PTPRT: variants seen among roughly 807,000 people sequenced by gnomAD.
PTPRT encodes receptor-type tyrosine-protein phosphatase T.
Under a neutral mutation model 176.8 loss-of-function variants are expected in PTPRT, and 56 were observed. The observed-to-expected ratio is 0.32, with a 90% confidence interval of 0.26 to 0.40. PTPRT has a LOEUF of 0.40. Among genes scored for constraint, PTPRT ranks in the 10% least tolerant of loss-of-function variants. The probability of loss-of-function intolerance (pLI) is 1.00; values close to 1 mark genes in which losing one functional copy is unlikely to be tolerated. For synonymous variants in PTPRT, 783 were observed against 739.0 expected (o/e 1.06, Z -0.96); for missense variants, 1,540 against 1,908.2 (o/e 0.81, Z 3.60).
rs192620507 is a variant in PTPRT at position 42,803,131 on chromosome 20, C to T, written c.215-11665G>A. Among the ~76,000 whole-genome samples, 153 of 152,308 alleles carry T rather than the reference C, an allele frequency of 1.0e-3. 1 individual carries two copies. Among genetic ancestry groups the T allele is most frequent in the African/African-American group, 3.5e-3 (145 of 41,570 alleles). On this transcript the variant is annotated intron_variant, in intron 2 of 30. Transcript: ENST00000373187. ...CCAGTCTCACTGTCCACAGAGGCAG[C>T]GGGCCTAGAAGGCACCAGGAAGCCA...
chr20:42,446,780 C>A (rs1045399156), intron 9 of PTPRT, among the ~76,000 whole-genome samples: 2 of 152,140 alleles, frequency 1.3e-5, no homozygotes, highest in African/African-American at 2.4e-5. Flanking sequence ...GCCCTCCTCT[C>A]GGGGTACTCC....
At chr20:42,918,996 A>C (rs73910621) in intron 1 of PTPRT, among the ~76,000 whole-genome samples, 1 of 152,174 alleles carries the variant, frequency 6.6e-6, no homozygotes, top group South Asian at 2.1e-4. Flanking sequence ...GATTTTGCAT[A>C]GCAAAGGACA....
intron 7 of PTPRT, among the ~76,000 whole-genome samples, chr20:42,473,155 T>C (rs2071228868): frequency 6.6e-6 from 1 of 152,152 alleles, no homozygotes; most frequent in Non-Finnish European, 1.5e-5. Flanking sequence ...AGTTCATCAT[T>C]TCCTAACCTC....
At chr20:43,180,447 G>GATAT (rs144915810) in intron 1 of PTPRT, among the ~76,000 whole-genome samples, 19 of 141,330 alleles carry the variant, frequency 1.3e-4, no homozygotes, top group East Asian at 4.2e-4. Flanking sequence ...GGGAGAGAGG[G>GATAT]ATATATATAT....
intron 1 of PTPRT, among the ~76,000 whole-genome samples, chr20:42,946,404 G>A (rs1014392093): frequency 6.6e-6 from 1 of 152,098 alleles, no homozygotes; most frequent in Non-Finnish European, 1.5e-5. Flanking sequence ...TTACATACCT[G>A]GGCACTTTTG....
intron 2 of PTPRT, among the ~76,000 whole-genome samples, chr20:42,863,490 A>G (rs2078696244): frequency 6.6e-6 from 1 of 152,238 alleles, no homozygotes; most frequent in Non-Finnish European, 1.5e-5. Context: ...TCCTCTTTAG[A>G]ACAAGAGTCA....
At chr20:42,773,861 C>T (rs2077097027) in intron 4 of PTPRT, among the ~76,000 whole-genome samples, 1 of 152,188 alleles carries the variant, frequency 6.6e-6, no homozygotes, top group African/African-American at 2.4e-5. Context: ...TTTAGTTTTA[C>T]AAAGAAATGC....
intron 2 of PTPRT, among the ~76,000 whole-genome samples, chr20:42,885,480 C>T (rs6016915): frequency 0.036 from 5,498 of 151,200 alleles, 241 homozygotes; most frequent in African/African-American, 0.1. Flanking sequence ...AGAAAAGCAG[C>T]GACCGTAAAT....
At chr20:42,607,237 T>C (rs1352687749) in intron 7 of PTPRT, among the ~76,000 whole-genome samples, 1 of 152,156 alleles carries the variant, frequency 6.6e-6, no homozygotes, top group Non-Finnish European at 1.5e-5. Context: ...GTCTCCATTT[T>C]GCAAGAAAAA....
intron 11 of PTPRT, among the ~76,000 whole-genome samples, chr20:42,346,387 G>A (rs1268237542): frequency 6.6e-6 from 1 of 152,190 alleles, no homozygotes; most frequent in Non-Finnish European, 1.5e-5. Flanking sequence ...CAGGTGGGGC[G>A]TGGGGGAAGA....
At chr20:42,523,076 T>A (rs1026372697) in intron 7 of PTPRT, among the ~76,000 whole-genome samples, 15 of 152,194 alleles carry the variant, frequency 9.9e-5, no homozygotes, top group African/African-American at 3.6e-4. Flanking sequence ...CCTAGACTAC[T>A]CCAGACACAT....
At chr20:42,894,745 C>T (rs2079263542) in intron 1 of PTPRT, among the ~76,000 whole-genome samples, 1 of 152,200 alleles carries the variant, frequency 6.6e-6, no homozygotes, top group South Asian at 2.1e-4. Flanking sequence ...AGTCTGCATG[C>T]CTTCTGCCCC....
intron 18 of PTPRT, among the ~76,000 whole-genome samples, chr20:42,135,896 T>C (rs913444343): frequency 6.6e-6 from 1 of 152,172 alleles, no homozygotes; most frequent in Non-Finnish European, 1.5e-5. Context: ...CTGAGATCCA[T>C]GACCTCCATA....
intron 26 of PTPRT, among the ~76,000 whole-genome samples, chr20:42,099,381 C>T (rs3091739): frequency 0.19 from 29,488 of 151,968 alleles, 3,215 homozygotes; most frequent in Middle Eastern, 0.32. Context: ...AGAGCCGGAA[C>T]GTAAGCCTAC....
At chr20:43,033,239 G>A (rs770850736) in intron 1 of PTPRT, among the ~76,000 whole-genome samples, 1 of 152,092 alleles carries the variant, frequency 6.6e-6, no homozygotes, top group Non-Finnish European at 1.5e-5. Flanking sequence ...CAAGACTTAG[G>A]ACCCCTTGAG....
intron 1 of PTPRT, among the ~76,000 whole-genome samples, chr20:42,896,581 G>A (rs2079302264): frequency 6.7e-6 from 1 of 148,968 alleles, no homozygotes; most frequent in Non-Finnish European, 1.5e-5. Context: ...GTTGTGGTGA[G>A]CCGAGATCAT....
intron 7 of PTPRT, among the ~76,000 whole-genome samples, chr20:42,582,760 G>A (rs781763781): frequency 2.6e-5 from 4 of 152,070 alleles, no homozygotes; most frequent in East Asian, 1.9e-4. Context: ...CTCAGAGCTC[G>A]CCCAAAAAAC....
At chr20:42,868,031 A>C (rs941923555) in intron 2 of PTPRT, among the ~76,000 whole-genome samples, 1 of 152,222 alleles carries the variant, frequency 6.6e-6, no homozygotes, top group South Asian at 2.1e-4. Context: ...TGAATGGACA[A>C]GACGGAAATT....
chr20:43,069,301 A>G (rs2011150967), intron 1 of PTPRT, among the ~76,000 whole-genome samples: 1 of 152,172 alleles, frequency 6.6e-6, no homozygotes, highest in African/African-American at 2.4e-5. Context: ...CCTTGATGTT[A>G]CTACTACTCA....
Sources: allele counts gnomAD v4.1 joint callset (sites outside exome capture counted in the v4.1 genomes callset), GRCh38; gene constraint gnomAD v4.1.1; transcripts MANE v1.5; gene names NCBI Gene and HGNC (gene_info 2026-07-23, HGNC 2026-07-21).